Variants in ZFHX3 observed in about 807,000 individuals in gnomAD.
ZFHX3 encodes zinc finger homeobox protein 3.
ZFHX3 carries 42 observed loss-of-function variants against 279.1 expected under a neutral mutation model. That is an observed-to-expected ratio of 0.15 (90% confidence interval 0.12 to 0.19). ZFHX3 has a LOEUF of 0.19. ZFHX3 is among the 10% of genes least tolerant of loss of function. The pLI is 1.00. For missense variants in ZFHX3, 4,981 were observed against 4,754.0 expected, an observed-to-expected ratio of 1.05 and a Z score of -1.40; for synonymous variants, 2,293 against 1,957.8, an observed-to-expected ratio of 1.17 and a Z score of -4.52.
rs1363469089 is a variant in ZFHX3 at position 73,427,388 on chromosome 16, G to A, written c.-1291+28615C>T. Among the ~76,000 whole-genome samples, 5 of 152,232 alleles carry A rather than the reference G, an allele frequency of 3.3e-5. No homozygotes were observed. The East Asian group carries it at 5.8e-4, about 18-fold the overall frequency. On this transcript the variant is annotated intron_variant, in intron 3 of 17. Coordinates refer to the ZFHX3 transcript ENST00000641206. The stretch of plus-strand genomic sequence containing the variant: ...AGGAGGTGGAGCTATCACTGCCTCT[G>A]GCTTTTGTCCTCACTGTGTGTGTAT...
rs189945850 is a variant in ZFHX3 at position 73,738,892 on chromosome 16, G to C, written c.-1607-58652C>G. Among the ~76,000 whole-genome samples the C allele has an allele frequency of 5.9e-5, 9 of 152,158 alleles. No homozygotes were observed. In the East Asian group the frequency reaches 1.7e-3, roughly 30 times the overall value. On this transcript the variant is annotated intron_variant, in intron 1 of 17. Coordinates refer to the ZFHX3 transcript ENST00000641206. ...AAGATGGAAGAAAGGGAGAAATCAGGGTATTTCTCCCCCTTCCTCTGATGT... is the reference window on the plus strand; with the variant it reads ...AAGATGGAAGAAAGGGAGAAATCAGCGTATTTCTCCCCCTTCCTCTGATGT...
chr16:73,834,875 C>A (rs567138936), intron 1 of ZFHX3, among the ~76,000 whole-genome samples: 9 of 151,326 alleles, frequency 5.9e-5, no homozygotes, highest in East Asian at 2.0e-4. Context: ...GGCGACAGTA[C>A]GAGACTTCGT....
At chr16:73,528,047 C>CTG (rs956818468) in intron 2 of ZFHX3, among the ~76,000 whole-genome samples, 6 of 152,318 alleles carry the variant, frequency 3.9e-5, no homozygotes, top group African/African-American at 1.2e-4. Flanking sequence ...CTATGATGTA[C>CTG]TGTGTGATGC....
At chr16:73,486,753 G>T in intron 2 of ZFHX3, 1 of 453,512 alleles carries the variant, frequency 2.2e-6, no homozygotes, top group East Asian at 7.0e-5. Context: ...TTTCTCTTCA[G>T]GAATGAAGTT....
At chr16:73,077,791 AC>A (rs1367260965) in intron 8 of ZFHX3, among the ~76,000 whole-genome samples, 2 of 151,680 alleles carry the variant, frequency 1.3e-5, no homozygotes, top group African/African-American at 2.4e-5. Flanking sequence ...GATCTCATGC[AC>A]GTCAAAGCCA....
rs763628437 is a variant in ZFHX3 at position 72,787,114 on chromosome 16, A to G, written c.*50T>C. On this transcript the variant is annotated 3_prime_UTR_variant, in exon 10 of 10. Coordinates refer to ENST00000268489, the MANE Select transcript of ZFHX3 (RefSeq NM_006885.4). ...AGTCTATTTTTGAAATTGGTTTGTTATTAATTTTTGTATTTAAATTCATTT... is the reference window on the plus strand; with the variant it reads ...AGTCTATTTTTGAAATTGGTTTGTTGTTAATTTTTGTATTTAAATTCATTT... 3.2e-6 allele frequency: 4 copies of G among 1,231,770 alleles called. No homozygotes were observed. Among genetic ancestry groups the G allele is most frequent in the Non-Finnish European group, 4.1e-6 (4 of 985,266 alleles). The allele number at this position is 1,231,770 out of a possible 1,614,324, so 76.3% of individuals were successfully genotyped here.
At chr16:73,813,873 T>G (rs1044667536) in intron 1 of ZFHX3, 73 of 152,250 alleles carry the variant, frequency 4.8e-4, no homozygotes, top group African/African-American at 1.8e-3. Flanking sequence ...ATTTGTTCCC[T>G]TGTTTGTCTG....
chr16:73,089,524 G>A (rs536683622), intron 8 of ZFHX3, among the ~76,000 whole-genome samples: 1 of 152,286 alleles, frequency 6.6e-6, no homozygotes, highest in African/African-American at 2.4e-5. Flanking sequence ...ACCGAACAAG[G>A]GTCTAATGCA....
chr16:73,630,963 G>C (rs1030953676), intron 2 of ZFHX3, among the ~76,000 whole-genome samples: 1 of 152,210 alleles, frequency 6.6e-6, no homozygotes, highest in East Asian at 1.9e-4. Context: ...ATAAGAGCCT[G>C]GTTGCTGATG....
chr16:72,904,775 TGG>T (rs35117190), intron 3 of ZFHX3, among the ~76,000 whole-genome samples: 22 of 151,730 alleles, frequency 1.4e-4, no homozygotes, highest in African/African-American at 4.6e-4. Flanking sequence ...TCCTTGCCTG[TGG>T]GGGGGGTCCC....
intron 2 of ZFHX3, among the ~76,000 whole-genome samples, chr16:73,578,764 G>A (rs566893477): frequency 2.2e-4 from 33 of 152,172 alleles, no homozygotes; most frequent in African/African-American, 7.5e-4. Flanking sequence ...TTTAAAAGTA[G>A]TGAAAATAGA....
chr16:73,383,805 A>G (rs1206405503), intron 3 of ZFHX3, among the ~76,000 whole-genome samples: 1 of 152,166 alleles, frequency 6.6e-6, no homozygotes, highest in Non-Finnish European at 1.5e-5. Context: ...GATGGGCACA[A>G]TGGACCCTGC....
intron 5 of ZFHX3, among the ~76,000 whole-genome samples, chr16:73,226,420 G>C (rs530158007): frequency 1.2e-4 from 18 of 152,232 alleles, no homozygotes; most frequent in Non-Finnish European, 2.2e-4. Flanking sequence ...ATTTTAAAAA[G>C]TGCGCTCCTG....
At chr16:73,362,323 CT>C (rs1160994236) in intron 3 of ZFHX3, among the ~76,000 whole-genome samples, 1 of 152,114 alleles carries the variant, frequency 6.6e-6, no homozygotes, top group Non-Finnish European at 1.5e-5. Context: ...TCTCCTTATC[CT>C]GGGGCAGCCA....
At chr16:73,105,561 T>C (rs968829435) in intron 7 of ZFHX3, among the ~76,000 whole-genome samples, 11 of 151,726 alleles carry the variant, frequency 7.2e-5, no homozygotes, top group African/African-American at 2.2e-4. Context: ...AAGACCCGCC[T>C]GGCCAACATG....
At position 72,959,215 on chromosome 16, in the gene ZFHX3, C is replaced by T. The variant is rs1172253692; in HGVS notation, c.931G>A (p.Glu311Lys). The change falls in exon 2 of 10, where the codon GAA (glutamate) becomes AAA (lysine). Residue 311 changes from glutamate to lysine, a missense_variant. By Grantham distance (56) the Glu-to-Lys change is moderately conservative. Transcript: ENST00000268489. ...AVHDHRMTLS[E>K]DERKILSNKN... ...TTGCTAAGAATTTTCCGCTCGTCTT[C>T]GCTCAGGGTCATTCGATGGTCATGC... is the stretch of plus-strand genomic sequence containing the variant. 7.4e-6 allele frequency: 12 copies of T among 1,614,176 alleles called. No individual in the cohort carries two copies. The highest frequency in any genetic ancestry group is 2.2e-5 in the East Asian group (1 of 44,876).
chr16:72,987,570 A>T (rs1962903005), intron 1 of ZFHX3, among the ~76,000 whole-genome samples: 1 of 152,178 alleles, frequency 6.6e-6, no homozygotes, highest in Non-Finnish European at 1.5e-5. Flanking sequence ...TGTATGCTTC[A>T]ATGGTGTGGA....
At chr16:72,798,749 T>C (rs1555518323) in intron 8 of ZFHX3, 35 bp from the exon 9 acceptor site, 1 of 1,510,026 alleles carries the variant, frequency 6.6e-7, no homozygotes, top group Admixed American at 2.3e-5. Context: ...AACCCAAAGA[T>C]AAAGAAGGCT....
At chr16:72,801,616 G>C (rs1244802881) in intron 7 of ZFHX3, among the ~76,000 whole-genome samples, 10 of 152,184 alleles carry the variant, frequency 6.6e-5, no homozygotes, top group Non-Finnish European at 1.5e-4. Flanking sequence ...GAGAAATGCT[G>C]TGTTTACGAA....
Sources: gnomAD v4.1 joint callset for allele counts (sites outside exome capture counted in the v4.1 genomes callset) on GRCh38, gnomAD v4.1.1 for gene constraint, MANE v1.5 for transcripts, NCBI Gene and HGNC (gene_info 2026-07-23, HGNC 2026-07-21) for gene names.